The following C7 variants were observed in gnomAD, a reference collection of about 807,000 sequenced individuals.
The protein encoded by C7 is complement C7.
In C7, 83 loss-of-function variants were observed where a neutral mutation model predicts 104.8. That is an observed-to-expected ratio of 0.79 (90% CI 0.66 to 0.95). The LOEUF (loss-of-function observed/expected upper bound fraction) is 0.95, where lower values mean the gene tolerates loss of function less well. Ranked by LOEUF, C7 falls within the 40% of genes least tolerant of loss-of-function variation. The pLI, the probability that C7 is intolerant of heterozygous loss-of-function variation, is 0.00. For missense variants in C7, 1,070 were observed against 1,011.2 expected, an observed-to-expected ratio of 1.06 and a Z score of -0.79; for synonymous variants, 415 against 360.6, an observed-to-expected ratio of 1.15 and a Z score of -1.71.
chr5:40,939,138 T>C (rs564255171), intron 6 of C7, among the ~76,000 whole-genome samples: 86 of 152,310 alleles, frequency 5.6e-4, no homozygotes, highest in African/African-American at 2.0e-3. Flanking sequence ...GGCCTTTTGC[T>C]TACCCAAATT....
chr5:40,958,574 T>C (rs1740350075), intron 11 of C7, among the ~76,000 whole-genome samples: 2 of 152,362 alleles, frequency 1.3e-5, no homozygotes, highest in Admixed American at 1.3e-4. Context: ...AGCAAAGGTC[T>C]GTGGAGCTTG....
chr5:40,934,656 G>A (rs1739776346), intron 4 of C7, among the ~76,000 whole-genome samples, 190 bp downstream of exon 4: 1 of 152,170 alleles, frequency 6.6e-6, no homozygotes, highest in Admixed American at 6.6e-5. Flanking sequence ...AATGCAAGGG[G>A]ATGCATCTGG....
At chr5:40,949,820 C>A (rs1410766312) in intron 8 of C7, 84 bp from the exon 9 acceptor site, 16 of 832,338 alleles carry the variant, frequency 1.9e-5, no homozygotes, top group Admixed American at 2.1e-5. Context: ...TAGCAGCAAA[C>A]AACCTCTTAT....
chr5:40,982,282 T>C lies in C7; in HGVS notation c.*709T>C, dbSNP rs893293282. The C allele has an allele frequency of 6.6e-6, 1 of 152,222 alleles. No homozygotes were observed. The highest frequency in any genetic ancestry group is 1.5e-5 in the Non-Finnish European group (1 of 68,110). The allele number at this position is 152,222 out of a possible 1,614,324, so 9.4% of individuals were successfully genotyped here. On this transcript the variant is annotated 3_prime_UTR_variant, in exon 18 of 18. Coordinates refer to ENST00000313164, the MANE Select transcript of C7 (RefSeq NM_000587.4). ...CCTCAGCTTCCCAAGCAGCTGGGATTACAGGTGCCCGCCACCACGCCCAGC... is the reference window on the plus strand; with the variant it reads ...CCTCAGCTTCCCAAGCAGCTGGGATCACAGGTGCCCGCCACCACGCCCAGC...
rs369663567 is a variant in C7 at position 40,955,417 on chromosome 5, C to T, written c.1124C>T (p.Pro375Leu). The T allele has an allele frequency of 3.2e-5, 52 of 1,610,860 alleles. No homozygotes were observed. The highest frequency in any genetic ancestry group is 4.1e-5 in the Non-Finnish European group (48 of 1,178,720). Reference sequence around the variant, plus strand: ...CAGAACAATGTATTGCGAGGAGAACCGTTCATCAGAGGGGGAGGTGCAGGC... The same window carrying T: ...CAGAACAATGTATTGCGAGGAGAACTGTTCATCAGAGGGGGAGGTGCAGGC... ...GTQNNVLRGE[P>L]FIRGGGAGFI... The change falls in exon 10 of 18, where the codon CCG becomes CTG. Residue 375 changes from proline to leucine, a missense_variant. Pro to Leu is a moderately conservative substitution (Grantham distance 98). Coordinates refer to ENST00000313164, the MANE Select transcript of C7 (RefSeq NM_000587.4).
At chr5:40,965,006 A>G in intron 14 of C7, 133 bp downstream of exon 14, 1 of 1,017,860 alleles carries the variant, frequency 9.8e-7, no homozygotes, top group Non-Finnish European at 1.5e-6. Flanking sequence ...GATCCTGTTC[A>G]AGTTTTAGGA....
At chr5:40,959,966 A>C (rs6875605) in intron 12 of C7, among the ~76,000 whole-genome samples, 10,582 of 152,254 alleles carry the variant, frequency 0.07, 1,229 homozygotes, top group African/African-American at 0.24. Flanking sequence ...TGATACTAAG[A>C]TTATCTGTTT....
At chr5:40,954,191 A>G (rs958079855) in intron 9 of C7, among the ~76,000 whole-genome samples, 1 of 152,214 alleles carries the variant, frequency 6.6e-6, no homozygotes, top group Non-Finnish European at 1.5e-5. Flanking sequence ...CATTGTTAGT[A>G]TACCAGATGC....
intron 7 of C7, 109 bp from the exon 8 acceptor site, chr5:40,947,493 T>C: frequency 1.3e-5 from 16 of 1,223,736 alleles, no homozygotes; most frequent in Non-Finnish European, 1.9e-5. Flanking sequence ...ATTCTTGTAG[T>C]CTTGGTTGAT....
chr5:40,962,790 C>A (rs1293894380), intron 13 of C7, among the ~76,000 whole-genome samples: 1 of 152,162 alleles, frequency 6.6e-6, no homozygotes, highest in Admixed American at 6.5e-5. Flanking sequence ...CCCAGTGGTG[C>A]CTCTTCATGG....
chr5:40,958,471 C>T (rs1010895346), intron 11 of C7, among the ~76,000 whole-genome samples: 8 of 152,110 alleles, frequency 5.3e-5, no homozygotes, highest in Admixed American at 2.6e-4. Context: ...AGTAACAGCC[C>T]CACTGTGCCC....
intron 1 of C7, among the ~76,000 whole-genome samples, chr5:40,920,531 C>A (rs1173158725): frequency 6.8e-6 from 1 of 146,280 alleles, no homozygotes; most frequent in African/African-American, 2.5e-5. Flanking sequence ...TAAAAGTTCT[C>A]CCATTAAAAA....
At chr5:40,979,600 T>A in intron 16 of C7, 125 bp from the exon 17 acceptor site, 1 of 624,806 alleles carries the variant, frequency 1.6e-6, no homozygotes, top group Non-Finnish European at 2.5e-6. Context: ...TTCCACCTTT[T>A]TTTTTTTTTT....
At chr5:40,968,485 G>A (rs1279842544) in intron 14 of C7, among the ~76,000 whole-genome samples, 1 of 141,916 alleles carries the variant, frequency 7.0e-6, no homozygotes, top group Non-Finnish European at 1.5e-5. Context: ...GTATATTTCT[G>A]TATAATCTCC....
chr5:40,945,173 G>C lies in C7; in HGVS notation c.568-25G>C, dbSNP rs752459277. The C allele has an allele frequency of 3.1e-6, 4 of 1,295,102 alleles. No individual in the cohort carries two copies. In the African/African-American group the frequency reaches 4.6e-5, roughly 15 times the overall value. The allele number at this position is 1,295,102 out of a possible 1,614,324, so 80.2% of individuals were successfully genotyped here. A position where few individuals can be genotyped will look rare whatever the true frequency, so the allele number is the denominator to read the frequency against. ...AGGATCCAGCATTAATTTAGTCATA[G>C]CAAAATTTTTCATTTTCTTTGTAGG... On this transcript the variant is annotated intron_variant, in intron 6 of 17. Transcript: ENST00000313164.
Position 40,937,501 on chromosome 5 carries a change from G to T in C7, c.429-51G>T, listed in dbSNP as rs970526390. 30 of 1,544,750 alleles carry T rather than the reference G, an allele frequency of 1.9e-5. No individual in the cohort carries two copies. In the East Asian group the frequency reaches 6.8e-4, roughly 35 times the overall value. On this transcript the variant is annotated intron_variant, in intron 5 of 17. Transcript: ENST00000313164. ...TTTTTCCCCACCAAGTGCTATTTCT[G>T]GTTTTTAACGGCTTTTTATTTCCTC... is the stretch of plus-strand genomic sequence containing the variant.
Position 40,909,669 on chromosome 5 carries a change from C to T in C7, c.6+53C>T, listed in dbSNP as rs539333412. 1.1e-3 allele frequency: 1,417 copies of T among 1,334,856 alleles called. 1 individual carries two copies. The highest frequency in any genetic ancestry group is 1.4e-3 in the Non-Finnish European group (1,350 of 957,678). The allele number at this position is 1,334,856 out of a possible 1,614,324, so 82.7% of individuals were successfully genotyped here. ...AAATGAAGCTATCTTTTCAAATGAACGGGGGTAATATAAATGTAATTTAAA... is the reference window on the plus strand; with the variant it reads ...AAATGAAGCTATCTTTTCAAATGAATGGGGGTAATATAAATGTAATTTAAA... On this transcript the variant is annotated intron_variant, in intron 1 of 17. Coordinates refer to ENST00000313164, the MANE Select transcript of C7 (RefSeq NM_000587.4).
intron 15 of C7, among the ~76,000 whole-genome samples, chr5:40,976,333 C>A (rs1740819235): frequency 1.3e-5 from 2 of 152,148 alleles, no homozygotes; most frequent in Admixed American, 1.3e-4. Flanking sequence ...TGAAAGGGAG[C>A]CACTTTATTG....
At chr5:40,940,318 T>TA (rs908889857) in intron 6 of C7, among the ~76,000 whole-genome samples, 2 of 152,192 alleles carry the variant, frequency 1.3e-5, no homozygotes, top group African/African-American at 4.8e-5. Context: ...TCTGTCTACT[T>TA]ATACATTTTA....
Sources: gnomAD v4.1 joint callset for allele counts (sites outside exome capture counted in the v4.1 genomes callset) on GRCh38, gnomAD v4.1.1 for gene constraint, MANE v1.5 for transcripts, NCBI Gene and HGNC (gene_info 2026-07-23, HGNC 2026-07-21) for gene names.